Variants in ACAP2 observed in about 807,000 individuals in gnomAD.
ACAP2 encodes ArfGAP with coiled-coil, ankyrin repeat and PH domains 2, also known as arf-GAP with coiled-coil, ANK repeat and PH domain-containing protein 2.
In ACAP2, 39 loss-of-function variants were observed where a neutral mutation model predicts 115.8. That is an observed-to-expected ratio of 0.34 (90% confidence interval 0.26 to 0.44). The LOEUF is 0.44. Ranked by LOEUF, ACAP2 falls within the 20% of genes least tolerant of loss-of-function variation. The pLI, the probability that ACAP2 is intolerant of heterozygous loss-of-function variation, is 1.00. For synonymous variants in ACAP2, 289 were observed against 315.8 expected, an observed-to-expected ratio of 0.92 and a Z score of 0.90; for missense variants, 662 against 927.6, an observed-to-expected ratio of 0.71 and a Z score of 3.72.
intron 18 of ACAP2, among the ~76,000 whole-genome samples, chr3:195,294,497 G>C (rs1258633247): frequency 6.7e-6 from 1 of 149,154 alleles, no homozygotes; most frequent in Non-Finnish European, 1.5e-5. Context: ...AGAATCACTT[G>C]AAACTGGAAG....
At chr3:195,383,653 T>C (rs1326693038) in intron 2 of ACAP2, among the ~76,000 whole-genome samples, 1 of 149,444 alleles carries the variant, frequency 6.7e-6, no homozygotes, top group African/African-American at 2.5e-5. Context: ...AACTGATCAA[T>C]CCAATTACAT....
intron 1 of ACAP2, among the ~76,000 whole-genome samples, chr3:195,414,292 A>G (rs1713534730): frequency 1.3e-5 from 2 of 152,208 alleles, no homozygotes; most frequent in South Asian, 2.1e-4. Flanking sequence ...TATTTTCTAA[A>G]GAGATGGGAT....
chr3:195,279,148 C>G lies in ACAP2; in HGVS notation c.*180G>C, dbSNP rs573185914. 12 of 463,658 alleles carry G rather than the reference C, an allele frequency of 2.6e-5. No individual in the cohort carries two copies. Among genetic ancestry groups the G allele is most frequent in the Non-Finnish European group, 3.8e-6 (1 of 266,136 alleles). The allele number at this position is 463,658 out of a possible 1,614,324, so 28.7% of individuals were successfully genotyped here. A position where few individuals can be genotyped will look rare whatever the true frequency, so the allele number is the denominator to read the frequency against. Reference sequence around the variant, plus strand: ...AATAAAAGAGGTCCTAAACTAGGTTCCTCTCCTACTACTAGATAACTATGT... The same window carrying G: ...AATAAAAGAGGTCCTAAACTAGGTTGCTCTCCTACTACTAGATAACTATGT... On this transcript the variant is annotated 3_prime_UTR_variant, in exon 23 of 23. Coordinates refer to ENST00000326793, the MANE Select transcript of ACAP2 (RefSeq NM_012287.6).
Position 195,302,856 on chromosome 3 carries a change from G to A in ACAP2, c.1117-682C>T, listed in dbSNP as rs140055858. On this transcript the variant is annotated intron_variant, in intron 13 of 22. Transcript: ENST00000326793. ...TCCCAGCACTTTAGGAAGCTGAAGCGGGAGGACCACTTGGGTCCAGGTGTT... is the reference window on the plus strand; with the variant it reads ...TCCCAGCACTTTAGGAAGCTGAAGCAGGAGGACCACTTGGGTCCAGGTGTT... Among the ~76,000 whole-genome samples, 9 of 152,244 alleles carry A rather than the reference G, an allele frequency of 5.9e-5. No homozygotes were observed. In the East Asian group the frequency reaches 1.4e-3, roughly 23 times the overall value.
At chr3:195,423,578 G>C (rs972039210) in intron 1 of ACAP2, among the ~76,000 whole-genome samples, 1 of 138,082 alleles carries the variant, frequency 7.2e-6, no homozygotes, top group South Asian at 2.2e-4. Context: ...AGCCGCAATC[G>C]CACCACTGCA....
At chr3:195,334,781 TTGA>T (rs1380887653) in intron 7 of ACAP2, among the ~76,000 whole-genome samples, 5 of 152,146 alleles carry the variant, frequency 3.3e-5, no homozygotes, top group African/African-American at 7.2e-5. Flanking sequence ...CCTTTGAAAT[TTGA>T]TGATATTTTT....
chr3:195,372,987 C>CAA (rs869134113), intron 4 of ACAP2, among the ~76,000 whole-genome samples: 405 of 17,508 alleles, frequency 0.023, 37 homozygotes, highest in African/African-American at 0.04. Flanking sequence ...GACTCCATCT[C>CAA]AAAAAAAAAA....
intron 10 of ACAP2, among the ~76,000 whole-genome samples, chr3:195,313,968 T>C (rs188413885): frequency 8.5e-4 from 130 of 152,234 alleles, no homozygotes; most frequent in Admixed American, 5.9e-3. Flanking sequence ...TTTTATAGAT[T>C]TATAAAATTT....
chr3:195,363,730 T>C (rs1424695480), intron 4 of ACAP2, among the ~76,000 whole-genome samples: 1 of 150,930 alleles, frequency 6.6e-6, no homozygotes, highest in Non-Finnish European at 1.5e-5. Context: ...TACAGAGCAA[T>C]AGTAACCAAA....
At chr3:195,339,534 G>A (rs908410898) in intron 6 of ACAP2, among the ~76,000 whole-genome samples, 7 of 150,022 alleles carry the variant, frequency 4.7e-5, no homozygotes, top group Non-Finnish European at 1.0e-4. Context: ...TAAATTATTG[G>A]AGGAAAAAAG....
intron 4 of ACAP2, among the ~76,000 whole-genome samples, chr3:195,350,675 GC>G (rs1177447969): frequency 6.7e-6 from 1 of 149,952 alleles, no homozygotes; most frequent in African/African-American, 2.5e-5. Flanking sequence ...AAAAAGACAA[GC>G]AAAAAGATCA....
intron 1 of ACAP2, among the ~76,000 whole-genome samples, chr3:195,411,393 C>G (rs536350567): frequency 6.6e-6 from 1 of 152,254 alleles, no homozygotes; most frequent in Admixed American, 6.5e-5. Flanking sequence ...TGTCCACCAA[C>G]AGAAAAATGG....
chr3:195,333,884 G>C (rs926259683), intron 7 of ACAP2, among the ~76,000 whole-genome samples: 1 of 152,134 alleles, frequency 6.6e-6, no homozygotes, highest in South Asian at 2.1e-4. Context: ...GTAGGAGAAC[G>C]CTGGGTTTTT....
intron 2 of ACAP2, among the ~76,000 whole-genome samples, chr3:195,390,967 C>A (rs1251138973): frequency 6.6e-6 from 1 of 151,748 alleles, no homozygotes; most frequent in Non-Finnish European, 1.5e-5. Context: ...GGACAGACAC[C>A]AAAAAAATCA....
At chr3:195,371,337 G>T (rs1458072590) in intron 4 of ACAP2, among the ~76,000 whole-genome samples, 1 of 152,134 alleles carries the variant, frequency 6.6e-6, no homozygotes, top group African/African-American at 2.4e-5. Context: ...TCAGGATTGT[G>T]TTCCTGAATT....
chr3:195,298,119 G>A (rs944099526), intron 15 of ACAP2, among the ~76,000 whole-genome samples: 1 of 152,194 alleles, frequency 6.6e-6, no homozygotes, highest in African/African-American at 2.4e-5. Flanking sequence ...TGTTGGGACA[G>A]GTGAGATGTG....
chr3:195,386,882 G>A (rs951502754), intron 2 of ACAP2, among the ~76,000 whole-genome samples: 2 of 152,060 alleles, frequency 1.3e-5, no homozygotes, highest in African/African-American at 4.8e-5. Flanking sequence ...AAGCAGTAAT[G>A]AGGCTGAGAA....
chr3:195,424,279 ATATATTTTTTTT>A (rs1714465803), intron 1 of ACAP2, among the ~76,000 whole-genome samples: 2 of 50,698 alleles, frequency 3.9e-5, no homozygotes, highest in African/African-American at 1.4e-4. Flanking sequence ...ATATATATAT[ATATATTTTTTTT>A]TTTTTTTTTT....
intron 1 of ACAP2, among the ~76,000 whole-genome samples, chr3:195,400,802 C>G (rs996167047): frequency 6.6e-6 from 1 of 152,124 alleles, no homozygotes; most frequent in Non-Finnish European, 1.5e-5. Context: ...GAAAAGACAA[C>G]CAAGTATCTC....
Sources: allele counts gnomAD v4.1 joint callset (sites outside exome capture counted in the v4.1 genomes callset), GRCh38; gene constraint gnomAD v4.1.1; transcripts MANE v1.5; gene names NCBI Gene and HGNC (gene_info 2026-07-23, HGNC 2026-07-21).